PDGFC: variants seen among roughly 807,000 people sequenced by gnomAD.
PDGFC encodes platelet derived growth factor C, also known as platelet-derived growth factor C.
Under a neutral mutation model 35.5 loss-of-function variants are expected in PDGFC, and 12 were observed. The ratio of observed to expected loss-of-function variants is 0.34; its 90% CI spans 0.22 to 0.55. The LOEUF is 0.55. PDGFC is among the 20% of genes least tolerant of loss of function. The pLI, the probability that PDGFC is intolerant of heterozygous loss-of-function variation, is 0.91. For missense variants in PDGFC, 322 were observed against 412.4 expected, an observed-to-expected ratio of 0.78 and a Z score of 1.90; for synonymous variants, 159 against 148.8, an observed-to-expected ratio of 1.07 and a Z score of -0.50.
chr4:156,830,739 C>A (rs575293056), intron 2 of PDGFC, among the ~76,000 whole-genome samples: 1 of 152,104 alleles, frequency 6.6e-6, no homozygotes. Context: ...TTCAAAATAT[C>A]GAGCATGCAA....
At chr4:156,818,517 T>C (rs937720149) in intron 2 of PDGFC, among the ~76,000 whole-genome samples, 1 of 13,230 alleles carries the variant, frequency 7.6e-5, no homozygotes. Flanking sequence ...TTTCTAGCTG[T>C]TTTTTTTTTT....
At chr4:156,960,252 T>TTTTATA (rs1393791877) in intron 1 of PDGFC, among the ~76,000 whole-genome samples, 3 of 137,118 alleles carry the variant, frequency 2.2e-5, no homozygotes, top group South Asian at 2.2e-4. Flanking sequence ...TATATAACTG[T>TTTTATA]TATATATATA....
intron 1 of PDGFC, among the ~76,000 whole-genome samples, chr4:156,852,577 A>G (rs1251361080): frequency 6.6e-6 from 1 of 152,090 alleles, no homozygotes; most frequent in African/African-American, 2.4e-5. Flanking sequence ...GAATTCTAAA[A>G]TGATCTCCAA....
intron 2 of PDGFC, among the ~76,000 whole-genome samples, chr4:156,814,642 A>G (rs1732030778): frequency 6.6e-6 from 1 of 152,140 alleles, no homozygotes; most frequent in African/African-American, 2.4e-5. Flanking sequence ...CTCTTCAGGA[A>G]GTCTAAAATT....
intron 1 of PDGFC, among the ~76,000 whole-genome samples, chr4:156,931,554 TCA>T (rs1160065339): frequency 6.6e-6 from 1 of 152,154 alleles, no homozygotes; most frequent in Admixed American, 6.5e-5. Context: ...TTCAAGAGCA[TCA>T]CACCTTAACT....
chr4:156,771,688 G>A (rs1171276291), intron 4 of PDGFC, among the ~76,000 whole-genome samples: 2 of 152,142 alleles, frequency 1.3e-5, no homozygotes, highest in Non-Finnish European at 2.9e-5. Context: ...GGAAAGGGCA[G>A]GAATCGGGTT....
intron 1 of PDGFC, 82 bp downstream of exon 1, chr4:156,970,704 A>G (rs1336651760): frequency 4.8e-6 from 4 of 831,806 alleles, no homozygotes; most frequent in East Asian, 2.4e-5. Context: ...ACAGTCTGGT[A>G]TATATCACAT....
chr4:156,896,686 G>A (rs573853339), intron 1 of PDGFC, among the ~76,000 whole-genome samples: 22 of 152,220 alleles, frequency 1.4e-4, no homozygotes, highest in African/African-American at 4.6e-4. Context: ...AAATAGAGAG[G>A]AAACTGTGCA....
intron 1 of PDGFC, among the ~76,000 whole-genome samples, chr4:156,853,698 C>CT (rs1729506861): frequency 6.6e-6 from 1 of 152,130 alleles, no homozygotes; most frequent in Admixed American, 6.6e-5. Flanking sequence ...ACTGTGGCTC[C>CT]TGTCTGTAAT....
chr4:156,808,696 A>G (rs753073317), intron 3 of PDGFC, among the ~76,000 whole-genome samples: 2 of 151,962 alleles, frequency 1.3e-5, no homozygotes, highest in Non-Finnish European at 2.9e-5. Flanking sequence ...GGAGTACACA[A>G]TGATAATTCA....
chr4:156,934,892 T>G (rs1731638846), intron 1 of PDGFC, among the ~76,000 whole-genome samples: 1 of 152,228 alleles, frequency 6.6e-6, no homozygotes, highest in African/African-American at 2.4e-5. Context: ...TCAGGGGCAA[T>G]AATAGGCATG....
intron 1 of PDGFC, among the ~76,000 whole-genome samples, chr4:156,853,296 A>T (rs764456811): frequency 6.6e-6 from 1 of 152,214 alleles, no homozygotes; most frequent in Non-Finnish European, 1.5e-5. Flanking sequence ...ATGTTGCTCT[A>T]GGAAACTTCC....
intron 2 of PDGFC, among the ~76,000 whole-genome samples, chr4:156,820,044 T>G (rs774037716): frequency 3.3e-5 from 5 of 152,230 alleles, no homozygotes; most frequent in Non-Finnish European, 7.3e-5. Flanking sequence ...AAGTGGAACC[T>G]GAACAGGTAA....
At chr4:156,967,100 C>G (rs2110988770) in intron 1 of PDGFC, among the ~76,000 whole-genome samples, 1 of 148,846 alleles carries the variant, frequency 6.7e-6, no homozygotes, top group African/African-American at 2.5e-5. Context: ...ATAAAACTTA[C>G]AGGGAAACTT....
At chr4:156,777,294 G>A (rs1468682525) in intron 3 of PDGFC, among the ~76,000 whole-genome samples, 1 of 152,144 alleles carries the variant, frequency 6.6e-6, no homozygotes, top group African/African-American at 2.4e-5. Context: ...TACCAAAAAT[G>A]TTTAAATGAA....
chr4:156,784,416 G>C (rs1731064075), intron 3 of PDGFC, among the ~76,000 whole-genome samples: 1 of 152,146 alleles, frequency 6.6e-6, no homozygotes, highest in African/African-American at 2.4e-5. Flanking sequence ...AGATCAACAA[G>C]AAAGAGGAGT....
chr4:156,964,842 C>T (rs1185709729), intron 1 of PDGFC, among the ~76,000 whole-genome samples: 1 of 152,080 alleles, frequency 6.6e-6, no homozygotes, highest in African/African-American at 2.4e-5. Context: ...TTCCTCATAC[C>T]ACACATGTTG....
At chr4:156,860,429 T>C (rs1328799264) in intron 1 of PDGFC, among the ~76,000 whole-genome samples, 2 of 152,136 alleles carry the variant, frequency 1.3e-5, no homozygotes, top group Admixed American at 1.3e-4. Context: ...ACAATTCTTT[T>C]CCATGAAATC....
intron 1 of PDGFC, among the ~76,000 whole-genome samples, chr4:156,859,489 T>C (rs536223947): frequency 2.0e-5 from 3 of 152,148 alleles, no homozygotes; most frequent in Non-Finnish European, 4.4e-5. Context: ...TGTAGCAAGA[T>C]GTTTGGTTTC....
Sources: allele counts gnomAD v4.1 joint callset (sites outside exome capture counted in the v4.1 genomes callset), GRCh38; gene constraint gnomAD v4.1.1; transcripts MANE v1.5; gene names NCBI Gene and HGNC (gene_info 2026-07-23, HGNC 2026-07-21).